GRK5: variants seen among roughly 807,000 people sequenced by gnomAD.
GRK5 encodes the protein G protein-coupled receptor kinase 5.
In GRK5, 40 loss-of-function variants were observed where a neutral mutation model predicts 78.4. The ratio of observed to expected loss-of-function variants is 0.51; its 90% confidence interval spans 0.40 to 0.66. The LOEUF (loss-of-function observed/expected upper bound fraction) is 0.66. Ranked by LOEUF, GRK5 falls within the 30% of genes least tolerant of loss-of-function variation. The pLI is 0.00. For missense variants in GRK5, 598 were observed against 759.9 expected, an observed-to-expected ratio of 0.79 and a Z score of 2.50; for synonymous variants, 289 against 296.8, an observed-to-expected ratio of 0.97 and a Z score of 0.27.
intron 4 of GRK5, among the ~76,000 whole-genome samples, chr10:119,421,445 A>G (rs1852567760): frequency 6.6e-6 from 1 of 152,348 alleles, no homozygotes; most frequent in African/African-American, 2.4e-5. Flanking sequence ...GGAGGCACAA[A>G]ATGGCCAAGG....
chr10:119,405,459 C>T (rs534948870), intron 4 of GRK5, among the ~76,000 whole-genome samples: 19 of 151,854 alleles, frequency 1.3e-4, no homozygotes, highest in South Asian at 4.2e-4. Context: ...GAAATCTATT[C>T]GTAGTGCTTG....
chr10:119,425,060 T>A lies in GRK5; in HGVS notation c.508T>A (p.Phe170Ile). Reference sequence around the variant, plus strand: ...TCTGGACAGCATGTTTTTTGACCGCTTTCTCCAGTGGAAGTGGTTGGAAAG... The same window carrying A: ...TCTGGACAGCATGTTTTTTGACCGCATTCTCCAGTGGAAGTGGTTGGAAAG... ...EYLDSMFFDR[F>I]LQWKWLERQP... is the part of the protein sequence containing the mutation. The change falls in exon 6 of 16, where the codon TTT becomes ATT. Residue 170 changes from phenylalanine to isoleucine, a missense_variant. Transcript: ENST00000392870. 6.2e-7 allele frequency: 1 copy of A among 1,613,758 alleles called. No homozygotes were observed. The highest frequency in any genetic ancestry group is 8.5e-7 in the Non-Finnish European group (1 of 1,179,702).
chr10:119,207,805 C>G lies in GRK5; in HGVS notation c.-113C>G, dbSNP rs911268563. 1.6e-5 allele frequency: 16 copies of G among 1,019,074 alleles called. No individual in the cohort carries two copies. Among genetic ancestry groups the G allele is most frequent in the Non-Finnish European group, 2.0e-5 (14 of 707,140 alleles). 63.1% of individuals were successfully genotyped at this position (1,019,074 alleles called of 1,614,324 possible). ...TGCGGTAGGCAAGGCGGGCTGCTGG[C>G]TCCCCCGGCTCCGGCAGCAGCGGCG... is the stretch of plus-strand genomic sequence containing the variant. On this transcript the variant is annotated 5_prime_UTR_variant, in exon 1 of 16. Coordinates refer to ENST00000392870, the MANE Select transcript of GRK5 (RefSeq NM_005308.3).
chr10:119,207,811 C>T lies in GRK5; in HGVS notation c.-107C>T, dbSNP rs539094837. 2.7e-6 allele frequency: 3 copies of T among 1,100,470 alleles called. No individual in the cohort carries two copies. Among genetic ancestry groups the T allele is most frequent in the Non-Finnish European group, 3.9e-6 (3 of 777,570 alleles). The allele number at this position is 1,100,470 out of a possible 1,614,324, so 68.2% of individuals were successfully genotyped here. On this transcript the variant is annotated 5_prime_UTR_variant, in exon 1 of 16. Coordinates refer to ENST00000392870, the MANE Select transcript of GRK5 (RefSeq NM_005308.3). Reference sequence around the variant, plus strand: ...AGGCAAGGCGGGCTGCTGGCTCCCCCGGCTCCGGCAGCAGCGGCGGCAGCC... The same window carrying T: ...AGGCAAGGCGGGCTGCTGGCTCCCCTGGCTCCGGCAGCAGCGGCGGCAGCC...
intron 1 of GRK5, among the ~76,000 whole-genome samples, chr10:119,251,870 A>G (rs1316300308): frequency 1.3e-5 from 2 of 152,174 alleles, no homozygotes; most frequent in South Asian, 2.1e-4. Context: ...CCTGGTTGAG[A>G]ACCACTCGCC....
At chr10:119,284,155 C>T (rs911402942) in intron 1 of GRK5, among the ~76,000 whole-genome samples, 3 of 152,022 alleles carry the variant, frequency 2.0e-5, no homozygotes, top group Non-Finnish European at 4.4e-5. Context: ...TCTAGGCCAG[C>T]GCTGTCCAGT....
Position 119,313,919 on chromosome 10 carries a change from G to A in GRK5, c.53-12597G>A, listed in dbSNP as rs141797581. ...GAAACCCCAACTGTGTTGTGGCCGT[G>A]AGGAGGGGCCTGGAGGTGCTGGCAC... On this transcript the variant is annotated intron_variant, in intron 1 of 15. Transcript: ENST00000392870. 1.5e-3 allele frequency among the ~76,000 whole-genome samples: 225 copies of A among 152,324 alleles called. 1 individual carries two copies. Among genetic ancestry groups the A allele is most frequent in the African/African-American group, 5.4e-3 (223 of 41,556 alleles).
At chr10:119,311,358 A>C (rs1406353323) in intron 1 of GRK5, among the ~76,000 whole-genome samples, 3 of 152,178 alleles carry the variant, frequency 2.0e-5, no homozygotes, top group Non-Finnish European at 4.4e-5. Flanking sequence ...AGCAATGAGC[A>C]GAATAACTCA....
At chr10:119,287,034 T>C (rs564004571) in intron 1 of GRK5, among the ~76,000 whole-genome samples, 30 of 148,586 alleles carry the variant, frequency 2.0e-4, no homozygotes, top group African/African-American at 5.5e-4. Flanking sequence ...TAAATTTATA[T>C]TGAAGAATAG....
At chr10:119,260,372 C>CTTTT (rs56407821) in intron 1 of GRK5, among the ~76,000 whole-genome samples, 2 of 101,450 alleles carry the variant, frequency 2.0e-5, no homozygotes, top group African/African-American at 4.0e-5. Flanking sequence ...TAACCGTCTG[C>CTTTT]TTTTTTTTTT....
At chr10:119,210,705 A>C (rs1848473243) in intron 1 of GRK5, among the ~76,000 whole-genome samples, 1 of 152,258 alleles carries the variant, frequency 6.6e-6, no homozygotes, top group African/African-American at 2.4e-5. Context: ...AATTTAATTT[A>C]GTTCACTTAA....
At chr10:119,366,246 A>AC (rs1201920832) in intron 2 of GRK5, among the ~76,000 whole-genome samples, 1 of 152,228 alleles carries the variant, frequency 6.6e-6, no homozygotes, top group African/African-American at 2.4e-5. Context: ...GAGTGTAAAC[A>AC]GGATCCTGGT....
intron 1 of GRK5, among the ~76,000 whole-genome samples, chr10:119,258,691 G>A (rs930802576): frequency 6.6e-6 from 1 of 152,166 alleles, no homozygotes; most frequent in Non-Finnish European, 1.5e-5. Flanking sequence ...AGTGGACTCT[G>A]GTGCAATGAT....
chr10:119,309,527 T>C (rs559340269), intron 1 of GRK5, among the ~76,000 whole-genome samples: 9 of 152,326 alleles, frequency 5.9e-5, no homozygotes, highest in Admixed American at 3.3e-4. Context: ...GGCAGAGTAA[T>C]GGCGACAGCT....
chr10:119,294,228 T>C (rs1850039499), intron 1 of GRK5, among the ~76,000 whole-genome samples: 1 of 152,226 alleles, frequency 6.6e-6, no homozygotes, highest in Admixed American at 6.5e-5. Flanking sequence ...TTTCAGAACC[T>C]GTCCTAGTCT....
intron 1 of GRK5, among the ~76,000 whole-genome samples, chr10:119,260,853 C>T (rs1405917136): frequency 1.3e-5 from 2 of 152,054 alleles, no homozygotes; most frequent in Non-Finnish European, 2.9e-5. Flanking sequence ...CTTTTCCCCA[C>T]CTTTCCCCGC....
intron 4 of GRK5, among the ~76,000 whole-genome samples, chr10:119,404,615 G>A (rs1294808637): frequency 6.6e-6 from 1 of 152,204 alleles, no homozygotes; most frequent in African/African-American, 2.4e-5. Flanking sequence ...TGAAGGGAAA[G>A]GGTGTGTATG....
chr10:119,424,309 T>G (rs1317817417), intron 5 of GRK5, among the ~76,000 whole-genome samples: 2 of 152,148 alleles, frequency 1.3e-5, no homozygotes, highest in Non-Finnish European at 2.9e-5. Context: ...TCCAAGTGCC[T>G]GTGCTAGATT....
intron 1 of GRK5, among the ~76,000 whole-genome samples, chr10:119,319,493 C>G (rs1850548524): frequency 6.6e-6 from 1 of 152,266 alleles, no homozygotes; most frequent in Admixed American, 6.5e-5. Flanking sequence ...GGCAACCCTT[C>G]TCCATGCAAC....
Sources: gnomAD v4.1 joint callset for allele counts (sites outside exome capture counted in the v4.1 genomes callset) on GRCh38, gnomAD v4.1.1 for gene constraint, MANE v1.5 for transcripts, NCBI Gene and HGNC (gene_info 2026-07-23, HGNC 2026-07-21) for gene names.